The following PPP1R14C variants were observed in gnomAD, a reference collection of about 807,000 sequenced individuals.
PPP1R14C encodes protein phosphatase 1 regulatory inhibitor subunit 14C.
In PPP1R14C, 16 loss-of-function variants were observed where a neutral mutation model predicts 20.4. The observed-to-expected ratio is 0.78, with a 90% CI of 0.53 to 1.19. PPP1R14C has a LOEUF of 1.19. Ranked by LOEUF, PPP1R14C falls within the 50% of genes most tolerant of loss-of-function variation. PPP1R14C has a pLI of 0.00. For synonymous variants in PPP1R14C, 91 were observed against 91.0 expected (o/e 1.00, Z 0.00); for missense variants, 211 against 220.1 (o/e 0.96, Z 0.26).
At chr6:150,171,954 C>T (rs951509836) in intron 1 of PPP1R14C, among the ~76,000 whole-genome samples, 9 of 152,124 alleles carry the variant, frequency 5.9e-5, no homozygotes, top group Admixed American at 6.6e-5. Flanking sequence ...TACAGGTTCC[C>T]GCCACCATGC....
At chr6:150,168,150 CTTT>C (rs1164433647) in intron 1 of PPP1R14C, among the ~76,000 whole-genome samples, 261 of 79,124 alleles carry the variant, frequency 3.3e-3, no homozygotes, top group African/African-American at 0.012. Flanking sequence ...TACAGCGTCC[CTTT>C]TTTTTTTTTT....
At chr6:150,193,913 T>C (rs1302294000) in intron 1 of PPP1R14C, among the ~76,000 whole-genome samples, 1 of 152,120 alleles carries the variant, frequency 6.6e-6, no homozygotes, top group South Asian at 2.1e-4. Flanking sequence ...CCAAATCTCA[T>C]CCTGAATTGT....
At chr6:150,149,299 A>ATATGTGTGTGTG (rs1554280427) in intron 1 of PPP1R14C, among the ~76,000 whole-genome samples, 1 of 147,344 alleles carries the variant, frequency 6.8e-6, no homozygotes, top group African/African-American at 2.5e-5. Context: ...CTCCATACAT[A>ATATGTGTGTGTG]TGTGTGTGTG....
intron 1 of PPP1R14C, among the ~76,000 whole-genome samples, chr6:150,184,558 A>T (rs546817631): frequency 3.0e-4 from 45 of 149,530 alleles, no homozygotes; most frequent in African/African-American, 1.1e-3. Flanking sequence ...CATCCTCTTC[A>T]TGGCCACATG....
At chr6:150,151,726 T>C (rs1191115723) in intron 1 of PPP1R14C, among the ~76,000 whole-genome samples, 2 of 152,222 alleles carry the variant, frequency 1.3e-5, no homozygotes, top group African/African-American at 4.8e-5. Flanking sequence ...AGAAAGCAGC[T>C]GAGATCTGAG....
At chr6:150,215,234 T>C (rs1778075121) in intron 2 of PPP1R14C, among the ~76,000 whole-genome samples, 1 of 152,218 alleles carries the variant, frequency 6.6e-6, no homozygotes. Context: ...GTATCATTCA[T>C]GAAATTAATT....
In PPP1R14C at chr6:150,143,046, A is replaced by G; in HGVS notation, c.-147A>G. 1.9e-6 allele frequency: 2 copies of G among 1,066,710 alleles called. No individual in the cohort carries two copies. Among genetic ancestry groups the G allele is most frequent in the Non-Finnish European group, 2.3e-6 (2 of 886,702 alleles). 66.1% of individuals were successfully genotyped at this position (1,066,710 alleles called of 1,614,324 possible). ...GCCGCGGCTCCTCCCGCCCTCCCAG[A>G]GCAGCCGGGCGGCTGGGCGCGCGCG... On this transcript the variant is annotated 5_prime_UTR_variant, in exon 1 of 4. Transcript: ENST00000361131. This position sits in a 1 kb window ranked among gnomAD's most constrained non-coding sequence, Gnocchi z 5.6.
rs553758974 is a variant in PPP1R14C, at chr6:150,249,519, G to T, written c.*699G>T. ...TTATGGAATTTCTATTATTTCATTG[G>T]TTGGGATGCTTTGCCAGGTCATGTG... On this transcript the variant is annotated 3_prime_UTR_variant, in exon 4 of 4. Transcript: ENST00000361131. 24 of 398,472 alleles carry T rather than the reference G, an allele frequency of 6.0e-5. No homozygotes were observed. Among genetic ancestry groups the T allele is most frequent in the Non-Finnish European group, 9.7e-5 (22 of 226,072 alleles). 24.7% of individuals were successfully genotyped at this position (398,472 alleles called of 1,614,324 possible). A position where few individuals can be genotyped will look rare whatever the true frequency, so the allele number is the denominator to read the frequency against.
chr6:150,148,937 G>A (rs1308714037), intron 1 of PPP1R14C, among the ~76,000 whole-genome samples: 3 of 152,056 alleles, frequency 2.0e-5, no homozygotes, highest in South Asian at 2.1e-4. Flanking sequence ...GGTGGCATGC[G>A]CTGGTGGTCC....
At chr6:150,239,547 T>C (rs2114930971) in intron 3 of PPP1R14C, among the ~76,000 whole-genome samples, 1 of 152,270 alleles carries the variant, frequency 6.6e-6, no homozygotes, top group East Asian at 1.9e-4. Flanking sequence ...AAGCCCATCA[T>C]ATCAAAATGT....
chr6:150,193,779 C>G (rs1185065297), intron 1 of PPP1R14C, among the ~76,000 whole-genome samples: 2 of 152,118 alleles, frequency 1.3e-5, no homozygotes, highest in Non-Finnish European at 2.9e-5. Context: ...TTCCTTCTAC[C>G]ATTCATAGGA....
intron 1 of PPP1R14C, among the ~76,000 whole-genome samples, chr6:150,210,121 G>A (rs1203459286): frequency 6.6e-6 from 1 of 152,120 alleles, no homozygotes; most frequent in African/African-American, 2.4e-5. Flanking sequence ...AGCTTCATCC[G>A]TGGCATGCCC....
chr6:150,201,351 A>C lies in PPP1R14C; in HGVS notation c.307-13393A>C, dbSNP rs1777875329. ...TTTCCAGGGCTGGGAGGTTGACCTC[A>C]TCACAAGTCTGGCGAAGACATTTTG... On this transcript the variant is annotated intron_variant, in intron 1 of 3. Transcript: ENST00000361131. This position sits in a 1 kb window ranked among gnomAD's most constrained non-coding sequence, Gnocchi z 4.2. 6.6e-6 allele frequency among the ~76,000 whole-genome samples: 1 copy of C among 152,208 alleles called. No individual in the cohort carries two copies. Among genetic ancestry groups the C allele is most frequent in the Non-Finnish European group, 1.5e-5 (1 of 68,034 alleles).
chr6:150,244,681 T>A (rs554745394), intron 3 of PPP1R14C, among the ~76,000 whole-genome samples: 2 of 152,350 alleles, frequency 1.3e-5, no homozygotes, highest in South Asian at 4.1e-4. Flanking sequence ...TTATTTTATT[T>A]AATTTCAATT....
intron 2 of PPP1R14C, among the ~76,000 whole-genome samples, chr6:150,215,250 A>C (rs59716336): frequency 0.13 from 19,976 of 152,232 alleles, 1,330 homozygotes; most frequent in East Asian, 0.22. Context: ...TAATTTCTAA[A>C]TATTGCTTAT....
At chr6:150,237,601 C>T (rs1422090854) in intron 3 of PPP1R14C, among the ~76,000 whole-genome samples, 1 of 152,198 alleles carries the variant, frequency 6.6e-6, no homozygotes, top group African/African-American at 2.4e-5. Context: ...AGCACTTGTA[C>T]AGCACTTACT....
chr6:150,223,301 C>G (rs1778191966), intron 3 of PPP1R14C, among the ~76,000 whole-genome samples: 1 of 152,166 alleles, frequency 6.6e-6, no homozygotes, highest in African/African-American at 2.4e-5. Context: ...AATAAAGCTG[C>G]TATAAACATT....
Position 150,143,523 on chromosome 6 carries a change from GTC to G in PPP1R14C, c.306+26_306+27del. Reference sequence around the variant, plus strand: ...GGTACCTGGGCGCGGGGCTGGGAGGGTCGGGGACCTCTCTAGCTCCTCTGTGC... The same window carrying G: ...GGTACCTGGGCGCGGGGCTGGGAGGGGGGGACCTCTCTAGCTCCTCTGTGC... On this transcript the variant is annotated intron_variant, in intron 1 of 3. Transcript: ENST00000361131. The surrounding 1 kb of genome is among the most constrained non-coding windows in gnomAD (Gnocchi z 5.6). 1 of 1,374,716 alleles carries G rather than the reference GTC, an allele frequency of 7.3e-7. No individual in the cohort carries two copies. The highest frequency in any genetic ancestry group is 1.0e-6 in the Non-Finnish European group (1 of 988,614). 85.2% of individuals were successfully genotyped at this position (1,374,716 alleles called of 1,614,324 possible).
At chr6:150,203,743 G>A (rs899160326) in intron 1 of PPP1R14C, among the ~76,000 whole-genome samples, 2 of 152,178 alleles carry the variant, frequency 1.3e-5, no homozygotes, top group Non-Finnish European at 1.5e-5. Flanking sequence ...TTCCATCATC[G>A]GGTAATTTGA....
Sources: gnomAD v4.1 joint callset for allele counts (sites outside exome capture counted in the v4.1 genomes callset) on GRCh38, gnomAD v4.1.1 for gene constraint, Gnocchi (gnomAD v3.1) non-coding constraint, MANE v1.5 for transcripts, NCBI Gene and HGNC (gene_info 2026-07-23, HGNC 2026-07-21) for gene names.